The following GPM6A variants were observed in gnomAD, a reference collection of about 807,000 sequenced individuals.
GPM6A encodes the protein neuronal membrane glycoprotein M6-a.
A neutral mutation model predicts 32.1 loss-of-function variants in GPM6A; 7 were observed. That is an observed-to-expected ratio of 0.22 (90% CI 0.12 to 0.41). GPM6A has a LOEUF of 0.41. Among genes scored for constraint, GPM6A ranks in the 10% least tolerant of loss-of-function variants. GPM6A has a pLI of 1.00. For synonymous variants in GPM6A, 130 were observed against 123.4 expected (o/e 1.05, Z -0.35); for missense variants, 235 against 347.2 (o/e 0.68, Z 2.57).
chr4:175,774,928 T>C (rs1733333584), intron 1 of GPM6A, among the ~76,000 whole-genome samples: 1 of 151,950 alleles, frequency 6.6e-6, no homozygotes, highest in African/African-American at 2.4e-5. Context: ...AGAATTTCCA[T>C]AAAATAATTT....
At chr4:175,822,572 T>C (rs1735309257) in intron 1 of GPM6A, among the ~76,000 whole-genome samples, 2 of 152,160 alleles carry the variant, frequency 1.3e-5, no homozygotes, top group East Asian at 3.8e-4. Context: ...AACAAACCTA[T>C]ACAGATCTAT....
chr4:175,835,627 G>GTATGTA (rs1553994102), intron 1 of GPM6A, among the ~76,000 whole-genome samples: 1 of 138,630 alleles, frequency 7.2e-6, no homozygotes. Flanking sequence ...GTGAGTGTGT[G>GTATGTA]TATATATATA....
intron 1 of GPM6A, among the ~76,000 whole-genome samples, chr4:175,761,723 C>G (rs1161733187): frequency 1.3e-5 from 2 of 151,812 alleles, no homozygotes; most frequent in African/African-American, 4.8e-5. Context: ...ATCATAAAAT[C>G]TAAATTAATT....
intron 2 of GPM6A, among the ~76,000 whole-genome samples, chr4:175,682,247 C>T (rs1284381388): frequency 1.3e-5 from 2 of 152,102 alleles, no homozygotes; most frequent in African/African-American, 4.8e-5. Flanking sequence ...TTCTAAGCTG[C>T]TAAGTATTTG....
chr4:175,953,624 G>T (rs535702538), intron 1 of GPM6A, among the ~76,000 whole-genome samples: 2 of 152,110 alleles, frequency 1.3e-5, no homozygotes, highest in Admixed American at 1.3e-4. Context: ...CATGGAGGTC[G>T]GGCGCAGTGG....
chr4:175,795,222 T>C (rs971368085), intron 1 of GPM6A, among the ~76,000 whole-genome samples: 2 of 152,158 alleles, frequency 1.3e-5, no homozygotes, highest in African/African-American at 4.8e-5. Flanking sequence ...ACCAAGGATG[T>C]AGAGTTGATT....
chr4:175,766,543 TTATA>T (rs1301472301), intron 1 of GPM6A, among the ~76,000 whole-genome samples: 1 of 152,174 alleles, frequency 6.6e-6, no homozygotes, highest in Non-Finnish European at 1.5e-5. Flanking sequence ...ATATATTAAC[TTATA>T]AATAAAATGG....
At chr4:175,970,749 A>G (rs561011329) in intron 1 of GPM6A, 4 of 409,838 alleles carry the variant, frequency 9.8e-6, no homozygotes, top group African/African-American at 8.3e-5. Context: ...AAAAGGTCAC[A>G]TTAAAAGGAA....
intron 1 of GPM6A, among the ~76,000 whole-genome samples, chr4:175,724,238 T>C (rs1488690334): frequency 6.6e-6 from 1 of 152,174 alleles, no homozygotes; most frequent in African/African-American, 2.4e-5. Context: ...CTTACTCATA[T>C]GTGGAATGTA....
At chr4:175,747,008 A>G (rs1382486485) in intron 1 of GPM6A, among the ~76,000 whole-genome samples, 1 of 152,186 alleles carries the variant, frequency 6.6e-6, no homozygotes, top group Non-Finnish European at 1.5e-5. Context: ...ATGGTGGCTC[A>G]CGCCTGTAAT....
At chr4:175,793,529 A>G (rs938386205) in intron 1 of GPM6A, among the ~76,000 whole-genome samples, 4 of 152,102 alleles carry the variant, frequency 2.6e-5, no homozygotes, top group African/African-American at 9.7e-5. Context: ...GGCATGCACC[A>G]CCACAACCAG....
intron 1 of GPM6A, among the ~76,000 whole-genome samples, chr4:175,728,752 C>G (rs1731285517): frequency 6.6e-6 from 1 of 152,194 alleles, no homozygotes; most frequent in African/African-American, 2.4e-5. Flanking sequence ...TTTCCCCTAG[C>G]CCTTCCCTAG....
rs571943128 is a variant in GPM6A, at chr4:175,817,831, G to A, written c.-22-5582C>T. Among the ~76,000 whole-genome samples, 4 of 152,312 alleles carry A rather than the reference G, an allele frequency of 2.6e-5. No individual in the cohort carries two copies. In the East Asian group the frequency reaches 7.7e-4, roughly 29 times the overall value. On this transcript the variant is annotated intron_variant, in intron 1 of 7. Coordinates refer to the GPM6A transcript ENST00000280187. Reference sequence around the variant, plus strand: ...GACATTGTACCCCCCAAGGTATTCAGTAGTCTCGTGCTGGAATATCCAATT... The same window carrying A: ...GACATTGTACCCCCCAAGGTATTCAATAGTCTCGTGCTGGAATATCCAATT...
intron 1 of GPM6A, among the ~76,000 whole-genome samples, chr4:175,863,467 T>C: frequency 6.6e-6 from 1 of 151,744 alleles, no homozygotes; most frequent in East Asian, 1.9e-4. Context: ...CCACAATATG[T>C]TTATCAATTC....
upstream of GPM6A, among the ~76,000 whole-genome samples, chr4:175,816,716 C>T (rs1418496342): frequency 5.9e-5 from 9 of 152,188 alleles, no homozygotes; most frequent in African/African-American, 1.9e-4. Context: ...TCAAATGTTT[C>T]AGACACAGAA....
At chr4:175,872,677 A>C (rs1736949074) in intron 1 of GPM6A, 1 of 152,204 alleles carries the variant, frequency 6.6e-6, no homozygotes, top group African/African-American at 2.4e-5. Context: ...AAGTTTCTCC[A>C]ATGCCAGCCT....
chr4:175,877,931 G>A (rs1189540395), intron 1 of GPM6A, among the ~76,000 whole-genome samples: 1 of 152,136 alleles, frequency 6.6e-6, no homozygotes, highest in Non-Finnish European at 1.5e-5. Context: ...GATACAATGG[G>A]GTAAAGGCAC....
intron 6 of GPM6A, among the ~76,000 whole-genome samples, chr4:175,637,619 T>TATA (rs1377405777): frequency 8.7e-3 from 5 of 576 alleles, no homozygotes; most frequent in African/African-American, 0.018. Context: ...TAATATATAA[T>TATA]ATATATTATA....
chr4:175,763,925 C>T (rs967798526), intron 1 of GPM6A, among the ~76,000 whole-genome samples: 6 of 152,068 alleles, frequency 3.9e-5, no homozygotes, highest in African/African-American at 1.2e-4. Context: ...ACTTTTTATG[C>T]AGTTATCAGA....
Sources: allele counts gnomAD v4.1 joint callset (sites outside exome capture counted in the v4.1 genomes callset), GRCh38; gene constraint gnomAD v4.1.1; transcripts MANE v1.5; gene names NCBI Gene and HGNC (gene_info 2026-07-23, HGNC 2026-07-21).